Variants in SLC8A3 observed in about 807,000 individuals in gnomAD.
SLC8A3 encodes the protein solute carrier family 8 member A3.
Under a neutral mutation model 65.4 loss-of-function variants are expected in SLC8A3, and 37 were observed. That is an observed-to-expected ratio of 0.57 (90% CI 0.44 to 0.74). SLC8A3 has a LOEUF of 0.74. Ranked by LOEUF, SLC8A3 falls within the 30% of genes least tolerant of loss-of-function variation. The probability of loss-of-function intolerance (pLI) is 0.00; values close to 1 mark genes in which losing one functional copy is unlikely to be tolerated. For missense variants in SLC8A3, 1,112 were observed against 1,172.1 expected, an observed-to-expected ratio of 0.95 and a Z score of 0.75; for synonymous variants, 461 against 444.5, an observed-to-expected ratio of 1.04 and a Z score of -0.47.
At chr14:70,182,562 G>GAA (rs139559837) in intron 1 of SLC8A3, among the ~76,000 whole-genome samples, 3 of 151,470 alleles carry the variant, frequency 2.0e-5, no homozygotes, top group East Asian at 2.0e-4. Flanking sequence ...GAGAGAGAGA[G>GAA]AGAAAGAGGG....
chr14:70,181,425 A>G (rs1882738990), intron 1 of SLC8A3, among the ~76,000 whole-genome samples: 1 of 151,732 alleles, frequency 6.6e-6, no homozygotes, highest in African/African-American at 2.4e-5. Context: ...AGTGGGAGAC[A>G]GAAAAAGCAC....
chr14:70,100,312 A>C (rs1463667511), intron 2 of SLC8A3, among the ~76,000 whole-genome samples: 2 of 152,176 alleles, frequency 1.3e-5, no homozygotes, highest in African/African-American at 4.8e-5. Flanking sequence ...TTGTCCTGGG[A>C]ATGTCCACCC....
chr14:70,116,107 G>A (rs1479260154), intron 2 of SLC8A3, among the ~76,000 whole-genome samples: 2 of 152,186 alleles, frequency 1.3e-5, no homozygotes, highest in East Asian at 1.9e-4. Flanking sequence ...CACAAAGGGA[G>A]GTAGTGCTGA....
At chr14:70,107,412 A>G (rs979824858) in intron 2 of SLC8A3, among the ~76,000 whole-genome samples, 1 of 152,120 alleles carries the variant, frequency 6.6e-6, no homozygotes, top group Non-Finnish European at 1.5e-5. Context: ...CCACTGTGCA[A>G]TTGTAGACAT....
chr14:70,143,032 C>T (rs4902784), intron 2 of SLC8A3, among the ~76,000 whole-genome samples: 40,132 of 152,014 alleles, frequency 0.26, 5,848 homozygotes, highest in East Asian at 0.5. Context: ...TCCCCAGCTA[C>T]CCCCAGCTTA....
Position 70,044,418 on chromosome 14 carries a change from A to G in SLC8A3, c.*1529T>C, listed in dbSNP as rs2139658205. 7.3e-6 allele frequency: 1 copy of G among 136,754 alleles called. No homozygotes were observed. The highest frequency in any genetic ancestry group is 2.7e-5 in the African/African-American group (1 of 37,524). 8.5% of individuals were successfully genotyped at this position (136,754 alleles called of 1,614,324 possible). On this transcript the variant is annotated 3_prime_UTR_variant, in exon 7 of 7. Transcript: ENST00000356921. ...AAAATGTATTTATGTCAATGCAGAA[A>G]GCCTAAAGATCCGTGGGCAGTTTCG...
Position 70,166,739 on chromosome 14 carries a change from C to T in SLC8A3, c.1684G>A (p.Val562Ile). The T allele has an allele frequency of 6.2e-7, 1 of 1,614,062 alleles. No homozygotes were observed. The highest frequency in any genetic ancestry group is 8.5e-7 in the Non-Finnish European group (1 of 1,179,916). ...TCTACTGTCCTAAAGGGGACGATGA[C>T]TGTACCCCGGGCACCTGATGTCCGC... is the stretch of plus-strand genomic sequence containing the variant. ...VLRTSGARGT[V>I]IVPFRTVEGT... The change falls in exon 2 of 7, where the codon GTC becomes ATC. Residue 562 changes from valine (V) to isoleucine (I), a missense_variant. Coordinates refer to ENST00000356921, the MANE Select transcript of SLC8A3 (RefSeq NM_182932.3).
At chr14:70,143,555 C>A (rs1483595729) in intron 2 of SLC8A3, among the ~76,000 whole-genome samples, 2 of 152,094 alleles carry the variant, frequency 1.3e-5, no homozygotes, top group Admixed American at 1.3e-4. Flanking sequence ...ATACTGATAT[C>A]CCAGCCCCAC....
At chr14:70,065,533 C>T (rs1889327849) in intron 2 of SLC8A3, among the ~76,000 whole-genome samples, 2 of 152,168 alleles carry the variant, frequency 1.3e-5, no homozygotes, top group African/African-American at 4.8e-5. Context: ...ATCCCGCCTC[C>T]ACCCCTCACT....
chr14:70,160,385 C>A (rs536178830), intron 2 of SLC8A3, among the ~76,000 whole-genome samples: 1 of 152,158 alleles, frequency 6.6e-6, no homozygotes, highest in East Asian at 1.9e-4. Context: ...GCAGAGGTTG[C>A]AATAAGCGAG....
At chr14:70,127,735 G>T (rs1238772815) in intron 2 of SLC8A3, among the ~76,000 whole-genome samples, 1 of 152,098 alleles carries the variant, frequency 6.6e-6, no homozygotes. Context: ...CCTTATAGAG[G>T]GGGGATTTGC....
chr14:70,179,497 G>C (rs1882540872), intron 1 of SLC8A3, among the ~76,000 whole-genome samples: 1 of 152,150 alleles, frequency 6.6e-6, no homozygotes, highest in Non-Finnish European at 1.5e-5. Context: ...ATTCTGGAAA[G>C]ATGCATCTAG....
In SLC8A3 at chr14:70,095,632, T is replaced by C. The variant is rs150806020; in HGVS notation, c.1785-34693A>G. Among the ~76,000 whole-genome samples the C allele has an allele frequency of 1.4e-3, 207 of 152,352 alleles. 6 individuals are homozygous for C. The East Asian group carries it at 0.028, about 21-fold the overall frequency. On this transcript the variant is annotated intron_variant, in intron 2 of 6. Transcript: ENST00000356921. ...CTGGAATGTGGAGTTTTAAGGATAC[T>C]ATGGCTGCCTGAAACAACGATATGT... is the stretch of plus-strand genomic sequence containing the variant.
intron 2 of SLC8A3, among the ~76,000 whole-genome samples, chr14:70,113,858 C>T (rs1446990188): frequency 6.6e-6 from 1 of 152,114 alleles, no homozygotes; most frequent in East Asian, 1.9e-4. Flanking sequence ...ATAGCAAGTT[C>T]AAGGTCAAAT....
intron 3 of SLC8A3, among the ~76,000 whole-genome samples, chr14:70,058,636 A>G (rs2139802581): frequency 6.6e-6 from 1 of 152,360 alleles, no homozygotes; most frequent in Middle Eastern, 3.4e-3. Context: ...GGATTAGCCA[A>G]AGACATTTGC....
intron 2 of SLC8A3, among the ~76,000 whole-genome samples, chr14:70,074,067 T>C (rs2139938640): frequency 6.6e-6 from 1 of 152,304 alleles, no homozygotes; most frequent in Middle Eastern, 3.4e-3. Context: ...GGGACTACAC[T>C]AAAGCAAAGC....
chr14:70,045,761 G>A lies in SLC8A3; in HGVS notation c.*186C>T. 1 of 545,436 alleles carries A rather than the reference G, an allele frequency of 1.8e-6. No homozygotes were observed. The highest frequency in any genetic ancestry group is 3.2e-6 in the Non-Finnish European group (1 of 309,880). The allele number at this position is 545,436 out of a possible 1,614,324, so 33.8% of individuals were successfully genotyped here. The stretch of plus-strand genomic sequence containing the variant: ...GTGTAAAGTCGGTGATTCCTCCATT[G>A]TTTGATTGATTAAGACTTTGCCCTT... On this transcript the variant is annotated 3_prime_UTR_variant, in exon 7 of 7. Transcript: ENST00000356921.
At chr14:70,115,912 G>A (rs1893625175) in intron 2 of SLC8A3, among the ~76,000 whole-genome samples, 1 of 152,170 alleles carries the variant, frequency 6.6e-6, no homozygotes, top group African/African-American at 2.4e-5. Context: ...ATGTGAGAAG[G>A]GAAGAAGCGG....
At chr14:70,156,253 A>AG (rs1284625397) in intron 2 of SLC8A3, among the ~76,000 whole-genome samples, 2 of 152,230 alleles carry the variant, frequency 1.3e-5, no homozygotes, top group African/African-American at 4.8e-5. Context: ...GAATAGAAAA[A>AG]GCTTCTGTGT....
Sources: allele counts gnomAD v4.1 joint callset (sites outside exome capture counted in the v4.1 genomes callset), GRCh38; gene constraint gnomAD v4.1.1; transcripts MANE v1.5; gene names NCBI Gene and HGNC (gene_info 2026-07-23, HGNC 2026-07-21).